Variants in AKR1C8 observed in about 807,000 individuals in gnomAD.
The protein encoded by AKR1C8 is aldo-keto reductase family 1 member C8, also known as aldo-keto reductase family 1 member C-like protein 1.
At chr10:5,139,160 A>G in the AKR1C8 span, among the ~76,000 whole-genome samples, 2 of 150,214 alleles carry the variant, frequency 1.3e-5, no homozygotes, top group African/African-American at 2.4e-5. Context: ...AAAAGAGGAC[A>G]CAATGGAAGG....
chr10:5,121,235 G>T, the AKR1C8 span, among the ~76,000 whole-genome samples: 1 of 152,114 alleles, frequency 6.6e-6, no homozygotes, highest in African/African-American at 2.4e-5. Flanking sequence ...TTAATCCAAT[G>T]GAACGTCATG....
chr10:5,143,362 C>G, the AKR1C8 span, among the ~76,000 whole-genome samples: 1 of 152,096 alleles, frequency 6.6e-6, no homozygotes, highest in African/African-American at 2.4e-5. Flanking sequence ...GAACTCCAGG[C>G]CTTCTGATCT....
At chr10:5,184,169 C>A in the AKR1C8 span, among the ~76,000 whole-genome samples, 1 of 152,176 alleles carries the variant, frequency 6.6e-6, no homozygotes, top group Non-Finnish European at 1.5e-5. Flanking sequence ...GTTACACTTT[C>A]TCCAAGACCA....
the AKR1C8 span, among the ~76,000 whole-genome samples, chr10:5,116,210 C>G: frequency 6.6e-6 from 1 of 152,062 alleles, no homozygotes; most frequent in East Asian, 1.9e-4. Flanking sequence ...GTCAATCACC[C>G]CAGCCAACAC....
chr10:5,157,440 G>A, the AKR1C8 span, among the ~76,000 whole-genome samples: 2 of 152,236 alleles, frequency 1.3e-5, no homozygotes, highest in African/African-American at 4.8e-5. Flanking sequence ...AAGTGGCAAA[G>A]CCAAGCCTAG....
the AKR1C8 span, among the ~76,000 whole-genome samples, chr10:5,137,081 A>C: frequency 2.0e-5 from 3 of 152,202 alleles, no homozygotes; most frequent in Non-Finnish European, 4.4e-5. Flanking sequence ...CAATATACAT[A>C]TCTTAATTTA....
chr10:5,180,577 G>A, the AKR1C8 span, among the ~76,000 whole-genome samples: 1 of 152,218 alleles, frequency 6.6e-6, no homozygotes, highest in Non-Finnish European at 1.5e-5. Context: ...CCTGCCCCCA[G>A]AGGTGGAGCC....
At chr10:5,167,095 C>T in the AKR1C8 span, among the ~76,000 whole-genome samples, 2 of 152,096 alleles carry the variant, frequency 1.3e-5, no homozygotes, top group Admixed American at 6.5e-5. Context: ...TACCATCTCA[C>T]ACCAGTTAGA....
the AKR1C8 span, among the ~76,000 whole-genome samples, chr10:5,121,605 C>T: frequency 1.3e-5 from 2 of 151,928 alleles, no homozygotes; most frequent in Admixed American, 6.6e-5. Flanking sequence ...AAGCAGGGCC[C>T]ACTGTGACTT....
At chr10:5,170,841 A>G in the AKR1C8 span, among the ~76,000 whole-genome samples, 1 of 152,180 alleles carries the variant, frequency 6.6e-6, no homozygotes, top group Non-Finnish European at 1.5e-5. Flanking sequence ...GCACTTATGC[A>G]AATAACTATA....
the AKR1C8 span, among the ~76,000 whole-genome samples, chr10:5,182,417 T>A: frequency 2.6e-5 from 4 of 152,196 alleles, no homozygotes; most frequent in Non-Finnish European, 5.9e-5. Context: ...TAACCTATAA[T>A]AAATAAAGAA....
At chr10:5,140,101 C>T in the AKR1C8 span, among the ~76,000 whole-genome samples, 1 of 152,086 alleles carries the variant, frequency 6.6e-6, no homozygotes, top group Admixed American at 6.5e-5. Flanking sequence ...AATGAGATAC[C>T]ATCTCACACC....
chr10:5,170,833 A>C, the AKR1C8 span, among the ~76,000 whole-genome samples: 5 of 152,142 alleles, frequency 3.3e-5, no homozygotes, highest in African/African-American at 1.2e-4. Context: ...TTCTTATTGC[A>C]CTTATGCAAA....
the AKR1C8 span, among the ~76,000 whole-genome samples, chr10:5,115,879 T>C: frequency 6.6e-6 from 1 of 152,196 alleles, no homozygotes; most frequent in South Asian, 2.1e-4. Flanking sequence ...GAAATACTCA[T>C]GACAATTACC....
the AKR1C8 span, among the ~76,000 whole-genome samples, chr10:5,177,657 A>G: frequency 5.3e-5 from 8 of 152,116 alleles, no homozygotes; most frequent in East Asian, 3.9e-4. Context: ...CAATTTCAGA[A>G]CCTGTTATTG....
the AKR1C8 span, among the ~76,000 whole-genome samples, chr10:5,129,557 A>G: frequency 2.0e-4 from 30 of 152,076 alleles, no homozygotes; most frequent in Non-Finnish European, 2.4e-4. Context: ...AGAAGATCCA[A>G]GTAAGCTCAA....
chr10:5,131,313 A>T, the AKR1C8 span, among the ~76,000 whole-genome samples: 1 of 152,118 alleles, frequency 6.6e-6, no homozygotes, highest in South Asian at 2.1e-4. Flanking sequence ...ATGCACAAAA[A>T]ACAAAAATAA....
chr10:5,133,373 G>A, the AKR1C8 span, among the ~76,000 whole-genome samples: 2 of 152,114 alleles, frequency 1.3e-5, no homozygotes, highest in Non-Finnish European at 2.9e-5. Flanking sequence ...GATTACAGGC[G>A]TGAGCCACTG....
At chr10:5,127,005 G>C in the AKR1C8 span, among the ~76,000 whole-genome samples, 2 of 152,102 alleles carry the variant, frequency 1.3e-5, no homozygotes, top group African/African-American at 4.8e-5. Context: ...GAGGACATCA[G>C]AAAAGTAATT....
Sources: allele counts gnomAD v4.1 joint callset (sites outside exome capture counted in the v4.1 genomes callset), GRCh38; gene constraint gnomAD v4.1.1; transcripts MANE v1.5; gene names NCBI Gene and HGNC (gene_info 2026-07-23, HGNC 2026-07-21).